PHF20L1: variants seen among roughly 807,000 people sequenced by gnomAD.
PHF20L1 encodes the protein PHD finger protein 20 like 1.
In PHF20L1, 44 loss-of-function variants were observed where a neutral mutation model predicts 125.5. That is an observed-to-expected ratio of 0.35 (90% CI 0.28 to 0.45). The LOEUF (loss-of-function observed/expected upper bound fraction) is 0.45. Ranked by LOEUF, PHF20L1 falls within the 20% of genes least tolerant of loss-of-function variation. The pLI is 1.00. For synonymous variants in PHF20L1, 380 were observed against 403.1 expected, an observed-to-expected ratio of 0.94 and a Z score of 0.69; for missense variants, 1,012 against 1,217.2, an observed-to-expected ratio of 0.83 and a Z score of 2.51.
chr8:132,821,653 T>G (rs1176990934), intron 12 of PHF20L1, among the ~76,000 whole-genome samples: 2 of 151,954 alleles, frequency 1.3e-5, no homozygotes, highest in Non-Finnish European at 1.5e-5. Flanking sequence ...GCCTCTCTTT[T>G]TAGTCAGAAG....
At chr8:132,817,244 C>A (rs2131692350) in intron 11 of PHF20L1, 95 bp from the exon 12 acceptor site, 1 of 1,108,390 alleles carries the variant, frequency 9.0e-7, no homozygotes, top group South Asian at 1.5e-5. Context: ...TTGTGCCAGG[C>A]ACTGTTTAAA....
At chr8:132,804,888 A>G (rs1833504990) in intron 8 of PHF20L1, 148 bp downstream of exon 8, 1 of 681,698 alleles carries the variant, frequency 1.5e-6, no homozygotes, top group Non-Finnish European at 2.5e-6. Flanking sequence ...TTCAAGGTCA[A>G]TGTCTTTCAA....
chr8:132,829,727 G>A (rs549247904), intron 14 of PHF20L1, among the ~76,000 whole-genome samples: 23 of 152,190 alleles, frequency 1.5e-4, no homozygotes, highest in African/African-American at 4.6e-4. Flanking sequence ...TGTTAAGAGT[G>A]TAGCTTCCAT....
At chr8:132,825,486 A>C (rs2131786425) in intron 14 of PHF20L1, 115 bp downstream of exon 14, 1 of 785,308 alleles carries the variant, frequency 1.3e-6, no homozygotes, top group South Asian at 2.2e-5. Flanking sequence ...CGTGTTGAGA[A>C]CTGAAAGGTT....
chr8:132,808,406 G>C (rs1231189858), intron 8 of PHF20L1: 1 of 151,820 alleles, frequency 6.6e-6, no homozygotes, highest in African/African-American at 2.4e-5. Context: ...CTTATTTTCA[G>C]CTTTTTAGTT....
At position 132,825,306 on chromosome 8, in the gene PHF20L1, A is replaced by G. The variant is rs1454577837; in HGVS notation, c.1679A>G (p.Asp560Gly). The G allele has an allele frequency of 6.5e-6, 10 of 1,532,358 alleles. No homozygotes were observed. Among genetic ancestry groups the G allele is most frequent in the Non-Finnish European group, 9.0e-6 (10 of 1,111,010 alleles). The allele number at this position is 1,532,358 out of a possible 1,614,324, so 94.9% of individuals were successfully genotyped here. A position where few individuals can be genotyped will look rare whatever the true frequency, so the allele number is the denominator to read the frequency against. Residue 560 changes from aspartate to glycine, a missense_variant, in exon 14 of 21, where the codon GAC (aspartate) becomes GGC (glycine). Physicochemically the swap from Asp to Gly is moderately conservative, Grantham distance 94 (BLOSUM62 -1). Transcript: ENST00000395386. ...GATAAGGAAAGAAGAGAGAAGAGAGACAAAGATCACTACAGACCAAAACAG... is the reference window on the plus strand; with the variant it reads ...GATAAGGAAAGAAGAGAGAAGAGAGGCAAAGATCACTACAGACCAAAACAG... ...EKDKERREKR[D>G]KDHYRPKQKK...
chr8:132,818,898 T>A (rs1835273656), intron 12 of PHF20L1: 1 of 151,912 alleles, frequency 6.6e-6, no homozygotes, highest in Non-Finnish European at 1.5e-5. Flanking sequence ...CATGTGAAAA[T>A]ATTTACATTT....
intron 17 of PHF20L1, 190 bp downstream of exon 17, chr8:132,838,001 A>G (rs1288743960): frequency 5.6e-6 from 3 of 531,164 alleles, no homozygotes; most frequent in South Asian, 2.0e-5. Flanking sequence ...GTATGTATCA[A>G]TTAGCTTATA....
At position 132,845,779 on chromosome 8, in the gene PHF20L1, A is replaced by T; in HGVS notation, c.2912-2A>T. On this transcript the variant is annotated splice_acceptor_variant, in intron 20 of 20. Coordinates refer to ENST00000395386, the MANE Select transcript of PHF20L1 (RefSeq NM_016018.5). LOFTEE classifies it high-confidence loss of function. ...ATTTGTTTATCTTCTTCTCTCTTTT[A>T]GTTCTGGAAAGCTGGCTTGATTTCA... The T allele has an allele frequency of 6.3e-7, 1 of 1,597,390 alleles. No individual in the cohort carries two copies. Among genetic ancestry groups the T allele is most frequent in the Non-Finnish European group, 8.6e-7 (1 of 1,165,532 alleles).
At chr8:132,830,141 T>C (rs1836604206) in intron 14 of PHF20L1, among the ~76,000 whole-genome samples, 1 of 152,042 alleles carries the variant, frequency 6.6e-6, no homozygotes, top group African/African-American at 2.4e-5. Flanking sequence ...ACAGTCTGTT[T>C]TCTTGCCTCT....
chr8:132,820,780 T>C (rs1237092953), intron 12 of PHF20L1, among the ~76,000 whole-genome samples: 1 of 152,000 alleles, frequency 6.6e-6, no homozygotes, highest in Non-Finnish European at 1.5e-5. Context: ...TGATGTAGGA[T>C]TATTTTTGCT....
chr8:132,777,484 A>G (rs1038394818), intron 1 of PHF20L1, among the ~76,000 whole-genome samples: 10 of 152,232 alleles, frequency 6.6e-5, no homozygotes, highest in African/African-American at 2.4e-4. Context: ...TTTCTTGGGT[A>G]TCTGGAAGCT....
chr8:132,779,607 C>T (rs1830205410), intron 2 of PHF20L1, among the ~76,000 whole-genome samples: 1 of 152,136 alleles, frequency 6.6e-6, no homozygotes, highest in Non-Finnish European at 1.5e-5. Flanking sequence ...GAGCTAGCTT[C>T]CAGTTTTGGA....
chr8:132,784,095 A>G (rs927910200), intron 2 of PHF20L1, among the ~76,000 whole-genome samples: 17 of 152,204 alleles, frequency 1.1e-4, no homozygotes, highest in African/African-American at 4.1e-4. Flanking sequence ...AATGCTAAAT[A>G]TAAGAAAGCT....
In PHF20L1 at chr8:132,847,412, G is replaced by A. The variant is rs1015940154; in HGVS notation, c.*1489G>A. The A allele has an allele frequency of 1.3e-5, 2 of 152,540 alleles. No individual in the cohort carries two copies. The highest frequency in any genetic ancestry group is 4.8e-5 in the African/African-American group (2 of 41,432). The allele number at this position is 152,540 out of a possible 1,614,324, so 9.4% of individuals were successfully genotyped here. A position where few individuals can be genotyped will look rare whatever the true frequency, so the allele number is the denominator to read the frequency against. On this transcript the variant is annotated 3_prime_UTR_variant, in exon 21 of 21. Coordinates refer to ENST00000395386, the MANE Select transcript of PHF20L1 (RefSeq NM_016018.5). ...ATTTTATGCCTCATTCTGTTTATCAGTTCTCGCAATCTGTATAAATGCATT... is the reference window on the plus strand; with the variant it reads ...ATTTTATGCCTCATTCTGTTTATCAATTCTCGCAATCTGTATAAATGCATT...
At chr8:132,811,508 T>G (rs1217319022) in intron 9 of PHF20L1, 13 of 991,474 alleles carry the variant, frequency 1.3e-5, no homozygotes, top group Non-Finnish European at 1.6e-5. Context: ...AGAAGTTTCT[T>G]TTATATTGTA....
At chr8:132,794,157 A>G (rs1395571886) in intron 2 of PHF20L1, among the ~76,000 whole-genome samples, 1 of 152,202 alleles carries the variant, frequency 6.6e-6, no homozygotes, top group Non-Finnish European at 1.5e-5. Flanking sequence ...GTATGTTACC[A>G]CATTACTTCA....
intron 14 of PHF20L1, among the ~76,000 whole-genome samples, chr8:132,831,314 T>C (rs1587044358): frequency 6.6e-6 from 1 of 152,166 alleles, no homozygotes; most frequent in Middle Eastern, 3.4e-3. Context: ...AAATGTGGCA[T>C]GCACTCTTCA....
intron 10 of PHF20L1, chr8:132,815,101 A>AT (rs1166951820): frequency 2.5e-6 from 1 of 406,426 alleles, no homozygotes; most frequent in Non-Finnish European, 4.4e-6. Flanking sequence ...AATCCTTTCC[A>AT]TTTAATAACA....
Sources: allele counts gnomAD v4.1 joint callset (sites outside exome capture counted in the v4.1 genomes callset), GRCh38; gene constraint gnomAD v4.1.1; transcripts MANE v1.5; gene names NCBI Gene and HGNC (gene_info 2026-07-23, HGNC 2026-07-21).